CRACDL: variants seen among roughly 807,000 people sequenced by gnomAD.
CRACDL encodes the protein CRACD like.
A neutral mutation model predicts 70.6 loss-of-function variants in CRACDL; 26 were observed. The ratio of observed to expected loss-of-function variants is 0.37; its 90% CI spans 0.27 to 0.51. The LOEUF is 0.51. Among genes scored for constraint, CRACDL ranks in the 20% least tolerant of loss-of-function variants. CRACDL has a pLI of 0.94. For synonymous variants in CRACDL, 618 were observed against 615.2 expected, an observed-to-expected ratio of 1.00 and a Z score of -0.07; for missense variants, 1,283 against 1,376.9, an observed-to-expected ratio of 0.93 and a Z score of 1.08.
chr2:98,880,228 C>T (rs897312138), intron 1 of CRACDL, among the ~76,000 whole-genome samples: 3 of 152,140 alleles, frequency 2.0e-5, no homozygotes, highest in African/African-American at 4.8e-5. Flanking sequence ...GACTGATGCA[C>T]GGAAGAGTGA....
intron 1 of CRACDL, among the ~76,000 whole-genome samples, chr2:98,919,709 T>C (rs1043367746): frequency 1.3e-5 from 2 of 152,238 alleles, no homozygotes; most frequent in African/African-American, 4.8e-5. Context: ...TCCATGGGCA[T>C]GTTGTCTATT....
chr2:98,929,971 A>T (rs1478951825), intron 1 of CRACDL, among the ~76,000 whole-genome samples: 4 of 152,092 alleles, frequency 2.6e-5, no homozygotes, highest in African/African-American at 4.8e-5. Context: ...ACCACGATAC[A>T]TTTGTATGCA....
intron 1 of CRACDL, among the ~76,000 whole-genome samples, chr2:98,850,297 T>A (rs1299085982): frequency 1.3e-5 from 2 of 152,258 alleles, no homozygotes; most frequent in Non-Finnish European, 2.9e-5. Flanking sequence ...GGTGGAGAAC[T>A]GTTTCCTTCA....
At chr2:98,927,189 C>T (rs185049173) in intron 1 of CRACDL, among the ~76,000 whole-genome samples, 29 of 152,324 alleles carry the variant, frequency 1.9e-4, no homozygotes, top group African/African-American at 3.4e-4. Context: ...GCTTCCTCCA[C>T]GGCTCCACTA....
At chr2:98,834,327 C>T (rs1229816254) in intron 3 of CRACDL, among the ~76,000 whole-genome samples, 1 of 152,238 alleles carries the variant, frequency 6.6e-6, no homozygotes, top group Non-Finnish European at 1.5e-5. Context: ...CCTAGTGCCC[C>T]TCAGTAGGCA....
chr2:98,825,159 G>A (rs1358930593), intron 6 of CRACDL, among the ~76,000 whole-genome samples: 1 of 152,178 alleles, frequency 6.6e-6, no homozygotes, highest in Non-Finnish European at 1.5e-5. Flanking sequence ...GGCAAAGGGT[G>A]CTATGGACAC....
chr2:98,928,349 G>A (rs1396855154), intron 1 of CRACDL, among the ~76,000 whole-genome samples: 1 of 152,208 alleles, frequency 6.6e-6, no homozygotes, highest in Admixed American at 6.5e-5. Context: ...TGTTGTAAGA[G>A]ATCCGCTCCT....
At chr2:98,898,325 T>C (rs1708181436) in intron 1 of CRACDL, among the ~76,000 whole-genome samples, 1 of 152,234 alleles carries the variant, frequency 6.6e-6, no homozygotes, top group Non-Finnish European at 1.5e-5. Flanking sequence ...GTCACCTCGC[T>C]AAGAGCGTGG....
chr2:98,867,654 T>C (rs1707198300), intron 1 of CRACDL, among the ~76,000 whole-genome samples: 1 of 152,208 alleles, frequency 6.6e-6, no homozygotes, highest in Non-Finnish European at 1.5e-5. Context: ...GAAGATACAA[T>C]ATAAATTCAC....
chr2:98,895,565 T>C (rs1386523974), intron 1 of CRACDL, among the ~76,000 whole-genome samples: 1 of 152,072 alleles, frequency 6.6e-6, no homozygotes, highest in Non-Finnish European at 1.5e-5. Context: ...CACTGAAGTT[T>C]TGAGAGCTGG....
chr2:98,870,386 C>A (rs1007843191), intron 1 of CRACDL, among the ~76,000 whole-genome samples: 3 of 152,232 alleles, frequency 2.0e-5, no homozygotes, highest in African/African-American at 7.2e-5. Context: ...ACAACGAATA[C>A]ATTTGATGAT....
chr2:98,822,106 G>A lies in CRACDL; in HGVS notation c.2167C>T (p.Pro723Ser), dbSNP rs745715103. ...CCGAGGGGACACTTCTCCTCCTTCG[G>A]GAGCACGGTCAGCGACCTTTCTAAC... ...VRLERSLTVL[P>S]KEEKCPLGTA... is the part of the protein sequence containing the mutation. Residue 723 changes from proline to serine, a missense_variant, in exon 7 of 10, where the codon CCG (proline) becomes TCG (serine). Transcript: ENST00000397899. The surrounding 1 kb of genome is among the most constrained non-coding windows in gnomAD (Gnocchi z 4.9). 5 of 1,574,878 alleles carry A rather than the reference G, an allele frequency of 3.2e-6. No individual in the cohort carries two copies. The highest frequency in any genetic ancestry group is 1.7e-4 in the Middle Eastern group (1 of 6,018).
At chr2:98,870,515 C>G (rs531204259) in intron 1 of CRACDL, among the ~76,000 whole-genome samples, 1 of 152,012 alleles carries the variant, frequency 6.6e-6, no homozygotes, top group South Asian at 2.1e-4. Flanking sequence ...AACGACTTGG[C>G]CTTCTCCCAG....
intron 1 of CRACDL, 128 bp from the exon 2 acceptor site, chr2:98,846,938 C>T: frequency 1.3e-6 from 1 of 742,634 alleles, no homozygotes; most frequent in Non-Finnish European, 2.4e-6. Context: ...CAGTCCAGGG[C>T]AGAGTGCAGC....
At chr2:98,858,512 CAA>C (rs370742460) in intron 1 of CRACDL, among the ~76,000 whole-genome samples, 7 of 56,262 alleles carry the variant, frequency 1.2e-4, no homozygotes, top group African/African-American at 1.7e-4. Context: ...GAGACTCTGT[CAA>C]AAAAAAAAAA....
At chr2:98,803,817 G>C (rs1477821993) in intron 7 of CRACDL, among the ~76,000 whole-genome samples, 4 of 152,064 alleles carry the variant, frequency 2.6e-5, no homozygotes, top group Non-Finnish European at 5.9e-5. Flanking sequence ...ATAGAACAGC[G>C]GTCCTCTGCT....
chr2:98,849,299 C>A (rs1268388713), intron 1 of CRACDL, among the ~76,000 whole-genome samples: 3 of 152,196 alleles, frequency 2.0e-5, no homozygotes, highest in Non-Finnish European at 2.9e-5. Context: ...AAAGGATTAA[C>A]ACTCTGGAGA....
intron 5 of CRACDL, among the ~76,000 whole-genome samples, chr2:98,830,659 T>C (rs1392425901): frequency 1.3e-5 from 2 of 152,224 alleles, no homozygotes; most frequent in Non-Finnish European, 2.9e-5. Context: ...TACCCAATAA[T>C]TGATAAAATC....
chr2:98,887,309 G>A (rs571006423), intron 1 of CRACDL, among the ~76,000 whole-genome samples: 1 of 151,950 alleles, frequency 6.6e-6, no homozygotes, highest in Non-Finnish European at 1.5e-5. Flanking sequence ...ACATAGCAAG[G>A]TCCTATCTCT....
Sources: allele counts gnomAD v4.1 joint callset (sites outside exome capture counted in the v4.1 genomes callset), GRCh38; gene constraint gnomAD v4.1.1; non-coding constraint Gnocchi (gnomAD v3.1); transcripts MANE v1.5; gene names NCBI Gene and HGNC (gene_info 2026-07-23, HGNC 2026-07-21).